CARS1: variants seen among roughly 807,000 people sequenced by gnomAD.
The protein encoded by CARS1 is cysteine--tRNA ligase, cytoplasmic.
Under a neutral mutation model 106.2 loss-of-function variants are expected in CARS1, and 48 were observed. The observed-to-expected ratio is 0.45, with a 90% CI of 0.36 to 0.57. The LOEUF (loss-of-function observed/expected upper bound fraction) is 0.57, where lower values mean the gene tolerates loss of function less well. Among genes scored for constraint, CARS1 ranks in the 20% least tolerant of loss-of-function variants. CARS1 has a pLI of 0.00. For synonymous variants in CARS1, 409 were observed against 403.4 expected (o/e 1.01, Z -0.17); for missense variants, 968 against 1,057.2 (o/e 0.92, Z 1.17).
In CARS1 at chr11:3,020,097, A is replaced by G. The variant is rs1331415757; in HGVS notation, c.1266+123T>C. 5.7e-6 allele frequency: 4 copies of G among 695,786 alleles called. No homozygotes were observed. The highest frequency in any genetic ancestry group is 1.0e-5 in the Non-Finnish European group (4 of 386,528). 43.1% of individuals were successfully genotyped at this position (695,786 alleles called of 1,614,324 possible). On this transcript the variant is annotated intron_variant, in intron 11 of 22. Coordinates refer to ENST00000380525, the MANE Select transcript of CARS1 (RefSeq NM_001014437.3). This position sits in a 1 kb window ranked among gnomAD's most constrained non-coding sequence, Gnocchi z 4.6. Reference sequence around the variant, plus strand: ...GCCAGGCAGCCTGTGCTGCACCAGCACCAGGCTCTGGCCCAGTGACAACAT... The same window carrying G: ...GCCAGGCAGCCTGTGCTGCACCAGCGCCAGGCTCTGGCCCAGTGACAACAT...
chr11:3,002,560 C>T lies in CARS1; in HGVS notation c.2258G>A (p.Arg753Gln), dbSNP rs772425370. The change falls in exon 21 of 23, where the codon CGG (arginine) becomes CAG (glutamine). Residue 753 changes from arginine (R) to glutamine (Q), a missense_variant. Arg to Gln is a conservative substitution (Grantham distance 43). Coordinates refer to ENST00000380525, the MANE Select transcript of CARS1 (RefSeq NM_001014437.3). ...EKRKKKEEAA[R>Q]RKQEQEAAKL... The stretch of plus-strand genomic sequence containing the variant: ...CATTACTTCTTGTTCCTGTTTCCTC[C>T]GGGCCGCCTCCTCTTTCTTCTTCCT... 36 of 1,614,052 alleles carry T rather than the reference C, an allele frequency of 2.2e-5. No individual in the cohort carries two copies. The highest frequency in any genetic ancestry group is 1.6e-4 in the Middle Eastern group (1 of 6,084).
rs1289668719 is a variant in CARS1 at position 3,040,364 on chromosome 11, T to TCCA, written c.456-436_456-434dup. ...GTGCAGAGGGTCACACCCTCTACCCTCCAGGTTGTTCAAGGGTTGACTATA... is the reference window on the plus strand; with the variant it reads ...GTGCAGAGGGTCACACCCTCTACCCTCCACCAGGTTGTTCAAGGGTTGACTATA... On this transcript the variant is annotated intron_variant, in intron 4 of 22. Coordinates refer to ENST00000380525, the MANE Select transcript of CARS1 (RefSeq NM_001014437.3). The surrounding 1 kb of genome is among the most constrained non-coding windows in gnomAD (Gnocchi z 5.8). The TCCA allele has an allele frequency of 2.8e-6, 1 of 361,448 alleles. No homozygotes were observed. The highest frequency in any genetic ancestry group is 2.1e-5 in the African/African-American group (1 of 47,212). The allele number at this position is 361,448 out of a possible 1,614,324, so 22.4% of individuals were successfully genotyped here.
At chr11:3,014,798 GGACTGTTTTCTCT>G (rs1453067996) in intron 17 of CARS1, among the ~76,000 whole-genome samples, 2 of 152,168 alleles carry the variant, frequency 1.3e-5, no homozygotes, top group African/African-American at 4.8e-5. Flanking sequence ...CTTACAACAC[GGACTGTTTTCTCT>G]TTGCAAGTTG....
At chr11:3,006,707 C>A (rs1274594613) in intron 19 of CARS1, among the ~76,000 whole-genome samples, 172 bp downstream of exon 19, 1 of 152,222 alleles carries the variant, frequency 6.6e-6, no homozygotes, top group Non-Finnish European at 1.5e-5. Flanking sequence ...TCCCCTGCCC[C>A]TGCCAGGCTG....
rs1179201910 is a variant in CARS1 at position 3,004,237 on chromosome 11, C to T, written c.2217+1129G>A. ...CCAGGATGGACCTGCAGACCACTCA[C>T]CACTGTCTAGAGCTTTCCCCAGAGT... On this transcript the variant is annotated intron_variant, in intron 20 of 22. Transcript: ENST00000380525. This position sits in a 1 kb window ranked among gnomAD's most constrained non-coding sequence, Gnocchi z 5.2. Among the ~76,000 whole-genome samples, 1 of 152,228 alleles carries T rather than the reference C, an allele frequency of 6.6e-6. No individual in the cohort carries two copies. Among genetic ancestry groups the T allele is most frequent in the African/African-American group, 2.4e-5 (1 of 41,456 alleles).
intron 14 of CARS1, 105 bp from the exon 15 acceptor site, chr11:3,018,059 A>G (rs1263695318): frequency 3.2e-5 from 23 of 725,136 alleles, no homozygotes; most frequent in Non-Finnish European, 1.9e-5. Flanking sequence ...TAAAAATCTG[A>G]AAGACCAGAA....
At chr11:3,001,310 T>G in intron 22 of CARS1, 62 bp from the exon 23 acceptor site, 1 of 1,590,828 alleles carries the variant, frequency 6.3e-7, no homozygotes, top group Non-Finnish European at 8.6e-7. Flanking sequence ...CCAACTCCCC[T>G]TTCTTTGCCC....
At position 3,048,756 on chromosome 11, in the gene CARS1, C is replaced by G. The variant is rs1477535242; in HGVS notation, c.26-755G>C. Among the ~76,000 whole-genome samples, 1 of 152,206 alleles carries G rather than the reference C, an allele frequency of 6.6e-6. No individual in the cohort carries two copies. Among genetic ancestry groups the G allele is most frequent in the African/African-American group, 2.4e-5 (1 of 41,450 alleles). ...CACAGCCTCAGGAGGACTGGGCCCC[C>G]TCAAAGGACCAGCCCAAGAAAGCAC... On this transcript the variant is annotated intron_variant, in intron 1 of 22. Coordinates refer to ENST00000380525, the MANE Select transcript of CARS1 (RefSeq NM_001014437.3). The surrounding 1 kb of genome is among the most constrained non-coding windows in gnomAD (Gnocchi z 5.1).
chr11:3,014,275 C>T (rs1394348374), intron 17 of CARS1, among the ~76,000 whole-genome samples: 3 of 152,192 alleles, frequency 2.0e-5, no homozygotes, highest in South Asian at 2.1e-4. Flanking sequence ...GGCTGTGTGG[C>T]GACACTGAGG....
At position 3,034,659 on chromosome 11, in the gene CARS1, A is replaced by G. The variant is rs572594482; in HGVS notation, c.801+3391T>C. 0.017 allele frequency among the ~76,000 whole-genome samples: 2,639 copies of G among 151,670 alleles called. 75 individuals carry two copies. Among genetic ancestry groups the G allele is most frequent in the African/African-American group, 0.061 (2,498 of 41,274 alleles). On this transcript the variant is annotated intron_variant, in intron 7 of 22. Coordinates refer to ENST00000380525, the MANE Select transcript of CARS1 (RefSeq NM_001014437.3). The surrounding 1 kb of genome is among the most constrained non-coding windows in gnomAD (Gnocchi z 6.3). ...ATTCTCCCACCTCAGCCTCCCAAGT[A>G]GCTGGGATTACAGGCACACGCCACA...
At chr11:3,016,818 T>A (rs971564161) in intron 16 of CARS1, among the ~76,000 whole-genome samples, 3 of 152,178 alleles carry the variant, frequency 2.0e-5, no homozygotes, top group African/African-American at 7.2e-5. Context: ...CTCACTATGT[T>A]GTCCAGGCTG....
intron 10 of CARS1, among the ~76,000 whole-genome samples, chr11:3,023,381 A>G (rs958463692): frequency 2.6e-5 from 4 of 152,118 alleles, no homozygotes; most frequent in Admixed American, 2.0e-4. Context: ...TTGTTATTCA[A>G]ACATACATAC....
At chr11:3,055,272 G>C (rs114345105) in intron 1 of CARS1, among the ~76,000 whole-genome samples, 22 of 152,006 alleles carry the variant, frequency 1.4e-4, no homozygotes, top group Admixed American at 1.4e-3. Flanking sequence ...ATCATTCTCC[G>C]GCCTCAGCCT....
rs1300530958 is a variant in CARS1 at position 3,019,154 on chromosome 11, C to T, written c.1380G>A (p.Glu460=). 2 of 1,523,738 alleles carry T rather than the reference C, an allele frequency of 1.3e-6. No individual in the cohort carries two copies. The highest frequency in any genetic ancestry group is 2.4e-5 in the East Asian group (1 of 41,646). 94.4% of individuals were successfully genotyped at this position (1,523,738 alleles called of 1,614,324 possible). A position where few individuals can be genotyped will look rare whatever the true frequency, so the allele number is the denominator to read the frequency against. ...FDLRFPHHDN[E]LAQSEAYFEN... ...TTTCACCTACCTCCGACTGTGCCAGCTCATTGTCATGGTGGGGGAACCGGA... is the reference window on the plus strand; with the variant it reads ...TTTCACCTACCTCCGACTGTGCCAGTTCATTGTCATGGTGGGGGAACCGGA... The change falls in exon 12 of 23, where the codon GAG becomes GAA. Residue 460 remains glutamate, a synonymous_variant. Transcript: ENST00000380525. The surrounding 1 kb of genome is among the most constrained non-coding windows in gnomAD (Gnocchi z 6.2).
intron 17 of CARS1, among the ~76,000 whole-genome samples, chr11:3,014,354 C>T (rs1023807097): frequency 1.3e-5 from 2 of 152,214 alleles, no homozygotes; most frequent in Admixed American, 1.3e-4. Context: ...AATCCATGAA[C>T]GTCAAATGGC....
At chr11:3,016,224 T>C (rs899293781) in intron 16 of CARS1, among the ~76,000 whole-genome samples, 8 of 55,918 alleles carry the variant, frequency 1.4e-4, no homozygotes, top group African/African-American at 4.0e-4. Flanking sequence ...TTGCTTCTCT[T>C]TTTTTTTTTT....
intron 17 of CARS1, 97 bp downstream of exon 17, chr11:3,015,684 G>C (rs1850916609): frequency 9.5e-7 from 1 of 1,052,778 alleles, no homozygotes; most frequent in Non-Finnish European, 1.5e-6. Flanking sequence ...GTCTGGTGTG[G>C]GTGGGCAGAC....
At position 3,021,963 on chromosome 11, in the gene CARS1, T is replaced by TA. The variant is rs1851608525; in HGVS notation, c.1154-1632dup. Among the ~76,000 whole-genome samples, 1 of 152,232 alleles carries TA rather than the reference T, an allele frequency of 6.6e-6. No homozygotes were observed. The highest frequency in any genetic ancestry group is 1.5e-5 in the Non-Finnish European group (1 of 68,046). On this transcript the variant is annotated intron_variant, in intron 10 of 22. Transcript: ENST00000380525. This position sits in a 1 kb window ranked among gnomAD's most constrained non-coding sequence, Gnocchi z 5.3. ...AAGTTTATATCTGATTTTTTAAAAA[T>TA]ACGCTTTGAAAAAATTGATAACAGA...
Position 3,039,204 on chromosome 11 carries a change from G to T in CARS1, c.641C>A (p.Ala214Asp), listed in dbSNP as rs1376515337. 6.2e-7 allele frequency: 1 copy of T among 1,610,114 alleles called. No homozygotes were observed. Among genetic ancestry groups the T allele is most frequent in the Non-Finnish European group, 8.5e-7 (1 of 1,176,552 alleles). ...EAAQLLEDVQAALKPFSVKLN... is the reference protein window; with the variant it reads ...EAAQLLEDVQDALKPFSVKLN... ...CAGCAAGAGGCCCACCTTCAGGGCG[G>T]CCTGAACATCCTCCAAGAGCTGTGC... is the stretch of plus-strand genomic sequence containing the variant. The change falls in exon 6 of 23, where the codon GCC becomes GAC. Residue 214 changes from alanine to aspartate, a missense_variant. Coordinates refer to ENST00000380525, the MANE Select transcript of CARS1 (RefSeq NM_001014437.3). The surrounding 1 kb of genome is among the most constrained non-coding windows in gnomAD (Gnocchi z 5.6).
Sources: gnomAD v4.1 joint callset for allele counts (sites outside exome capture counted in the v4.1 genomes callset) on GRCh38, gnomAD v4.1.1 for gene constraint, Gnocchi (gnomAD v3.1) non-coding constraint, MANE v1.5 for transcripts, NCBI Gene and HGNC (gene_info 2026-07-23, HGNC 2026-07-21) for gene names.